Variants in LTBP4 observed in about 807,000 individuals in gnomAD.
The protein encoded by LTBP4 is latent transforming growth factor beta binding protein 4.
LTBP4 carries 93 observed loss-of-function variants against 180.2 expected under a neutral mutation model. That is an observed-to-expected ratio of 0.52 (90% CI 0.44 to 0.61). The LOEUF (loss-of-function observed/expected upper bound fraction) is 0.61, where lower values mean the gene tolerates loss of function less well. Among genes scored for constraint, LTBP4 ranks in the 20% least tolerant of loss-of-function variants. The pLI is 0.00. For missense variants in LTBP4, 2,116 were observed against 2,256.5 expected, an observed-to-expected ratio of 0.94 and a Z score of 1.26; for synonymous variants, 947 against 934.5, an observed-to-expected ratio of 1.01 and a Z score of -0.24.
At position 40,614,422 on chromosome 19, in the gene LTBP4, G is replaced by T; in HGVS notation, c.2788G>T (p.Ala930Ser). 6.3e-7 allele frequency: 1 copy of T among 1,599,416 alleles called. No homozygotes were observed. Among genetic ancestry groups the T allele is most frequent in the Non-Finnish European group, 8.5e-7 (1 of 1,179,692 alleles). ...CCGGGACTGCGATCCTGGGTACCAC[G>T]CGGGCCCCGAGGGCACCTGTGACGG... is the stretch of plus-strand genomic sequence containing the variant. ...CVRDCDPGYH[A>S]GPEGTCDDVD... Residue 930 changes from alanine to serine, a missense_variant, in exon 19 of 30, where the codon GCG (alanine) becomes TCG (serine). Physicochemically the swap from Ala to Ser is moderately conservative, Grantham distance 99. Coordinates refer to ENST00000396819, the MANE Select transcript of LTBP4 (RefSeq NM_001042545.2).
At position 40,613,814 on chromosome 19, in the gene LTBP4, G is replaced by A; in HGVS notation, c.2558-102G>A. On this transcript the variant is annotated intron_variant, in intron 17 of 29. Transcript: ENST00000396819. The surrounding 1 kb of genome is among the most constrained non-coding windows in gnomAD (Gnocchi z 5.0). ...AGTAGCGTGAGGCAGGTTGGGGAAG[G>A]CGTGAGAGGCCTAGGAGAGCCGAGG... The A allele has an allele frequency of 3.9e-6, 6 of 1,532,620 alleles. No individual in the cohort carries two copies. Among genetic ancestry groups the A allele is most frequent in the Non-Finnish European group, 5.3e-6 (6 of 1,124,968 alleles). 94.9% of individuals were successfully genotyped at this position (1,532,620 alleles called of 1,614,324 possible). A position where few individuals can be genotyped will look rare whatever the true frequency, so the allele number is the denominator to read the frequency against.
chr19:40,606,134 C>T (rs1298995646), intron 4 of LTBP4, 99 bp from the exon 5 acceptor site: 2 of 1,131,736 alleles, frequency 1.8e-6, no homozygotes, highest in Admixed American at 2.0e-5. Context: ...TAAACTACAG[C>T]CAACATCTTT....
chr19:40,610,975 C>A, intron 12 of LTBP4, 177 bp from the exon 13 acceptor site: 3 of 904,500 alleles, frequency 3.3e-6, no homozygotes, highest in Non-Finnish European at 4.9e-6. Context: ...ACTACAGAGA[C>A]AGAACCAGCC....
chr19:40,623,177 T>TC (rs922165331), intron 24 of LTBP4, among the ~76,000 whole-genome samples, 156 bp downstream of exon 24: 10 of 151,020 alleles, frequency 6.6e-5, no homozygotes, highest in East Asian at 1.9e-4. Context: ...TTTCTTTCTT[T>TC]TTTTTTTTTT....
chr19:40,595,653 G>C (rs2081385935), intron 1 of LTBP4, among the ~76,000 whole-genome samples: 2 of 152,166 alleles, frequency 1.3e-5, no homozygotes, highest in African/African-American at 4.8e-5. Context: ...GGCCCCTGTG[G>C]CTTGCAGCTC....
chr19:40,625,248 GTATTTATA>G (rs2081615595), intron 26 of LTBP4, among the ~76,000 whole-genome samples: 3 of 58,732 alleles, frequency 5.1e-5, no homozygotes, highest in East Asian at 1.1e-3. Context: ...GCTAATTTTT[GTATTTATA>G]TATATATATA....
rs148180511 is a variant in LTBP4, at chr19:40,624,835, T to C, written c.3832+753T>C. Among the ~76,000 whole-genome samples the C allele has an allele frequency of 2.0e-5, 3 of 152,192 alleles. No homozygotes were observed. In the East Asian group the frequency reaches 5.8e-4, roughly 29 times the overall value. ...TAGGTCTCTGTCTCTTTCCAGCTGTTTGTGGATTTCTGTCTTTGGGGTTTT... is the reference window on the plus strand; with the variant it reads ...TAGGTCTCTGTCTCTTTCCAGCTGTCTGTGGATTTCTGTCTTTGGGGTTTT... On this transcript the variant is annotated intron_variant, in intron 26 of 29. Transcript: ENST00000396819.
rs556535631 is a variant in LTBP4, at chr19:40,612,270, G to A, written c.2299+78G>A. On this transcript the variant is annotated intron_variant, in intron 15 of 29. Transcript: ENST00000396819. Reference sequence around the variant, plus strand: ...TTGACCCAGATCACAACTATGACCTGGCCGTAACCTCCTGACCTGGACCTC... The same window carrying A: ...TTGACCCAGATCACAACTATGACCTAGCCGTAACCTCCTGACCTGGACCTC... The A allele has an allele frequency of 2.7e-6, 4 of 1,494,134 alleles. No homozygotes were observed. The Admixed American group carries it at 6.1e-5, about 23-fold the overall frequency. 92.6% of individuals were successfully genotyped at this position (1,494,134 alleles called of 1,614,324 possible). A position where few individuals can be genotyped will look rare whatever the true frequency, so the allele number is the denominator to read the frequency against.
chr19:40,627,822 G>T lies in LTBP4; in HGVS notation c.4484G>T (p.Gly1495Val). 6.4e-7 allele frequency: 1 copy of T among 1,570,242 alleles called. No homozygotes were observed. Among genetic ancestry groups the T allele is most frequent in the Non-Finnish European group, 8.6e-7 (1 of 1,163,664 alleles). ...PEGFTCRCFDGYRLDMTRMAC... is the reference protein window; with the variant it reads ...PEGFTCRCFDVYRLDMTRMAC... Reference sequence around the variant, plus strand: ...GGCTTCACCTGCCGTTGCTTCGACGGCTACCGCCTGGACATGACCCGCATG... The same window carrying T: ...GGCTTCACCTGCCGTTGCTTCGACGTCTACCGCCTGGACATGACCCGCATG... Residue 1495 changes from glycine to valine, a missense_variant, in exon 29 of 30, where the codon GGC becomes GTC. Around this residue, in one of 5 missense-constraint regions of LTBP4, gnomAD observed 488 missense variants for 458.8 expected, o/e 1.06. Coordinates refer to ENST00000396819, the MANE Select transcript of LTBP4 (RefSeq NM_001042545.2).
chr19:40,605,084 C>A lies in LTBP4; in HGVS notation c.300C>A (p.Asp100Glu). ...ATGGCGGTGTGTGCGTGAAGCCTGA[C>A]CGCTGCCTCTGTCCCCCGGACTTCG... ...CHNGGVCVKP[D>E]RCLCPPDFAG... Residue 100 changes from aspartate to glutamate, a missense_variant, in exon 2 of 30, where the codon GAC (aspartate) becomes GAA (glutamate). By Grantham distance (45) the Asp-to-Glu change is conservative. This residue lies in a region of LTBP4 where 469 missense variants were observed against 532.5 expected (regional missense o/e 0.88). Coordinates refer to ENST00000396819, the MANE Select transcript of LTBP4 (RefSeq NM_001042545.2). The surrounding 1 kb of genome is among the most constrained non-coding windows in gnomAD (Gnocchi z 5.5). The A allele has an allele frequency of 6.2e-7, 1 of 1,613,880 alleles. No homozygotes were observed. The highest frequency in any genetic ancestry group is 8.5e-7 in the Non-Finnish European group (1 of 1,179,856).
chr19:40,610,997 T>C, intron 12 of LTBP4, 155 bp from the exon 13 acceptor site: 1 of 1,048,542 alleles, frequency 9.5e-7, no homozygotes, highest in Non-Finnish European at 1.4e-6. Flanking sequence ...GGCAGCTTAG[T>C]AGGGATTGGT....
At chr19:40,604,526 G>A (rs1398641436) in intron 1 of LTBP4, among the ~76,000 whole-genome samples, 1 of 152,132 alleles carries the variant, frequency 6.6e-6, no homozygotes, top group Non-Finnish European at 1.5e-5. Flanking sequence ...CAGAAATTGG[G>A]ATCCGAGAGG....
At position 40,629,398 on chromosome 19, in the gene LTBP4, A is replaced by G. The variant is rs761091227; in HGVS notation, c.4522A>G (p.Ile1508Val). Residue 1508 changes from isoleucine (I) to valine (V), a missense_variant and splice_region_variant, in exon 30 of 30, where the codon ATC becomes GTC. This residue lies in a region of LTBP4 where 488 missense variants were observed against 458.8 expected (regional missense o/e 1.06). Coordinates refer to ENST00000396819, the MANE Select transcript of LTBP4 (RefSeq NM_001042545.2). This position sits in a 1 kb window ranked among gnomAD's most constrained non-coding sequence, Gnocchi z 4.5. ...CGATCGTTGTCTCCCCTCCGCAGAC[A>G]TCAACGAGTGTGATGAGGCCGAGGC... ...LDMTRMACVDINECDEAEAAS... is the reference protein window; with the variant it reads ...LDMTRMACVDVNECDEAEAAS... 6.2e-7 allele frequency: 1 copy of G among 1,612,970 alleles called. No individual in the cohort carries two copies. Among genetic ancestry groups the G allele is most frequent in the Non-Finnish European group, 8.5e-7 (1 of 1,179,636 alleles).
rs1437364308 is a variant in LTBP4, at chr19:40,606,501, C to A, written c.966C>A (p.Leu322=). The A allele has an allele frequency of 4.5e-6, 7 of 1,571,270 alleles. No homozygotes were observed. The highest frequency in any genetic ancestry group is 5.2e-6 in the Non-Finnish European group (6 of 1,159,534). Residue 322 remains leucine (L), a synonymous_variant, in exon 6 of 30, where the codon CTC becomes CTA. Coordinates refer to ENST00000396819, the MANE Select transcript of LTBP4 (RefSeq NM_001042545.2). The part of the protein sequence containing the change: ...YTCVCPDGFL[L]DSSRSSCISQ... ...GTGTGTGCCCCGACGGCTTTCTGCT[C>A]GACTCGTCCCGCAGCAGCTGCATCT...
intron 26 of LTBP4, among the ~76,000 whole-genome samples, chr19:40,625,273 TATATATATATATATATATATATATATA>T (rs1568414311): frequency 0.027 from 300 of 11,056 alleles, 54 homozygotes; most frequent in African/African-American, 0.05. Context: ...TATATATATA[TATATATATATATATATATATATATATA>T]TATATATATA....
chr19:40,620,581 G>A (rs1403045866), intron 22 of LTBP4, among the ~76,000 whole-genome samples: 1 of 151,844 alleles, frequency 6.6e-6, no homozygotes, highest in Non-Finnish European at 1.5e-5. Flanking sequence ...TTCGAGACCA[G>A]CATGGCCAAC....
At chr19:40,607,166 C>T (rs2146023365) in intron 6 of LTBP4, among the ~76,000 whole-genome samples, 199 bp from the exon 7 acceptor site, 1 of 152,312 alleles carries the variant, frequency 6.6e-6, no homozygotes, top group Non-Finnish European at 1.5e-5. Context: ...CCACTGACAC[C>T]CCATTGAGGC....
At chr19:40,601,735 T>G (rs2081425698) in intron 1 of LTBP4, 98 bp downstream of exon 1, 25 of 962,510 alleles carry the variant, frequency 2.6e-5, no homozygotes, top group Non-Finnish European at 3.2e-5. Flanking sequence ...GAGCCCAGAT[T>G]CCATATGCAA....
rs1392975099 is a variant in LTBP4, at chr19:40,611,647, C to A, written c.2054-212C>A. ...AGGGGGTCACCTGAGGCAGGGCAGG[C>A]AACATGGAGTTGGTGCCTTAGCCCC... is the stretch of plus-strand genomic sequence containing the variant. On this transcript the variant is annotated intron_variant, in intron 13 of 29. Transcript: ENST00000396819. This position sits in a 1 kb window ranked among gnomAD's most constrained non-coding sequence, Gnocchi z 4.4. Among the ~76,000 whole-genome samples the A allele has an allele frequency of 1.3e-5, 2 of 152,146 alleles. No homozygotes were observed. The highest frequency in any genetic ancestry group is 2.9e-5 in the Non-Finnish European group (2 of 68,010).
Sources: allele counts gnomAD v4.1 joint callset (sites outside exome capture counted in the v4.1 genomes callset), GRCh38; gene constraint gnomAD v4.1.1; regional missense constraint gnomAD v4.1.1; non-coding constraint Gnocchi (gnomAD v3.1); transcripts MANE v1.5; gene names NCBI Gene and HGNC (gene_info 2026-07-23, HGNC 2026-07-21).